The following SOX5 variants were observed in gnomAD, a reference collection of about 807,000 sequenced individuals.
SOX5 encodes the protein transcription factor SOX-5.
Under a neutral mutation model 92.0 loss-of-function variants are expected in SOX5, and 9 were observed. The observed-to-expected ratio is 0.10, with a 90% CI of 0.06 to 0.17. The LOEUF (loss-of-function observed/expected upper bound fraction) is 0.17, where lower values mean the gene tolerates loss of function less well. Ranked by LOEUF, SOX5 falls within the 10% of genes least tolerant of loss-of-function variation. The pLI is 1.00. For missense variants in SOX5, 642 were observed against 944.5 expected, an observed-to-expected ratio of 0.68 and a Z score of 4.20; for synonymous variants, 344 against 336.3, an observed-to-expected ratio of 1.02 and a Z score of -0.25.
intron 1 of SOX5, among the ~76,000 whole-genome samples, chr12:24,468,669 C>T (rs1343566491): frequency 1.3e-5 from 2 of 152,160 alleles, no homozygotes; most frequent in Non-Finnish European, 2.9e-5. Context: ...TGTCTAGTCT[C>T]ACGGTGCTTA....
At chr12:23,584,995 A>T (rs956414001) in intron 9 of SOX5, among the ~76,000 whole-genome samples, 6 of 152,116 alleles carry the variant, frequency 3.9e-5, no homozygotes, top group African/African-American at 1.4e-4. Context: ...AATAGAAAAA[A>T]ATTTACTAGA....
intron 11 of SOX5, among the ~76,000 whole-genome samples, chr12:23,558,901 C>A (rs1945715139): frequency 6.6e-6 from 1 of 152,170 alleles, no homozygotes; most frequent in African/African-American, 2.4e-5. Flanking sequence ...CCGTGCCCGG[C>A]CATGAATCAC....
chr12:23,608,282 C>T (rs1477516680), intron 8 of SOX5, among the ~76,000 whole-genome samples: 1 of 152,122 alleles, frequency 6.6e-6, no homozygotes, highest in Non-Finnish European at 1.5e-5. Context: ...AACTTCACAA[C>T]TCCTCAGAGC....
intron 6 of SOX5, among the ~76,000 whole-genome samples, chr12:23,698,013 T>G (rs923780942): frequency 6.6e-6 from 1 of 152,202 alleles, no homozygotes; most frequent in Non-Finnish European, 1.5e-5. Context: ...ATTATTGACT[T>G]CTTAGGTATT....
intron 4 of SOX5, among the ~76,000 whole-genome samples, chr12:24,088,977 G>T (rs1305893381): frequency 1.3e-5 from 2 of 152,002 alleles, no homozygotes; most frequent in Non-Finnish European, 2.9e-5. Flanking sequence ...CACTATTGAT[G>T]TTTATGCCTG....
intron 4 of SOX5, among the ~76,000 whole-genome samples, chr12:23,958,638 C>T (rs903465138): frequency 9.3e-5 from 14 of 151,264 alleles, no homozygotes; most frequent in African/African-American, 2.4e-4. Flanking sequence ...TAGGAATTGA[C>T]GCTAGGTTTC....
intron 1 of SOX5, among the ~76,000 whole-genome samples, chr12:24,533,497 A>G (rs1951368438): frequency 6.6e-6 from 1 of 152,158 alleles, no homozygotes; most frequent in South Asian, 2.1e-4. Context: ...GAAACTAATG[A>G]GGTAAGATAT....
At chr12:24,357,828 G>A (rs1196672564) in intron 2 of SOX5, among the ~76,000 whole-genome samples, 41 of 139,846 alleles carry the variant, frequency 2.9e-4, no homozygotes, top group Non-Finnish European at 4.1e-4. Context: ...GTGACAGAGC[G>A]AGACTCCATC....
chr12:24,469,473 G>A (rs747395606), intron 1 of SOX5, among the ~76,000 whole-genome samples: 2 of 151,992 alleles, frequency 1.3e-5, no homozygotes, highest in African/African-American at 2.4e-5. Context: ...TACGGGTTGG[G>A]TTTCTCTCCC....
chr12:23,863,025 T>A (rs1320934799), intron 2 of SOX5, among the ~76,000 whole-genome samples: 3 of 152,200 alleles, frequency 2.0e-5, no homozygotes, highest in African/African-American at 7.2e-5. Context: ...CCACAGGGTT[T>A]CTTGAGTGTG....
chr12:24,344,080 T>C (rs562724060), intron 2 of SOX5, among the ~76,000 whole-genome samples: 36 of 151,898 alleles, frequency 2.4e-4, no homozygotes, highest in Non-Finnish European at 1.0e-4. Flanking sequence ...GTCAGGAGAT[T>C]GAGGCCATCC....
At chr12:24,464,861 A>ACATGAT (rs1186146037) in intron 1 of SOX5, among the ~76,000 whole-genome samples, 1 of 152,246 alleles carries the variant, frequency 6.6e-6, no homozygotes, top group Admixed American at 6.5e-5. Context: ...AACCATGTTA[A>ACATGAT]CATGATCACT....
intron 2 of SOX5, among the ~76,000 whole-genome samples, chr12:24,346,321 AAAG>A (rs1953239490): frequency 6.6e-6 from 1 of 152,208 alleles, no homozygotes; most frequent in African/African-American, 2.4e-5. Context: ...AAAATATTTC[AAAG>A]GAGGATAAAA....
intron 8 of SOX5, among the ~76,000 whole-genome samples, chr12:23,627,801 A>G (rs1024426417): frequency 8.6e-5 from 13 of 152,014 alleles, no homozygotes; most frequent in Admixed American, 4.6e-4. Context: ...ACATTTGTAA[A>G]TGTTTAAATA....
intron 4 of SOX5, among the ~76,000 whole-genome samples, chr12:24,174,636 A>G (rs1399454656): frequency 6.6e-6 from 1 of 152,136 alleles, no homozygotes; most frequent in African/African-American, 2.4e-5. Flanking sequence ...AGCCTGACTA[A>G]CATGGTGAAA....
chr12:24,548,835 A>T (rs950106400), intron 1 of SOX5, among the ~76,000 whole-genome samples: 3 of 152,096 alleles, frequency 2.0e-5, no homozygotes, highest in African/African-American at 7.2e-5. Flanking sequence ...CTTAAATGTG[A>T]TCTACAGGCT....
chr12:23,650,609 C>A (rs748683043), intron 7 of SOX5, among the ~76,000 whole-genome samples: 5 of 152,000 alleles, frequency 3.3e-5, no homozygotes, highest in Non-Finnish European at 7.4e-5. Flanking sequence ...TTGGTGGGTG[C>A]CTTCAAGCTT....
At chr12:23,831,207 TAA>T (rs1321393683) in intron 3 of SOX5, among the ~76,000 whole-genome samples, 1 of 152,094 alleles carries the variant, frequency 6.6e-6, no homozygotes, top group Non-Finnish European at 1.5e-5. Context: ...TGCAATCAAT[TAA>T]AGTGAATTAT....
chr12:24,279,055 T>A (rs905381422), intron 2 of SOX5, among the ~76,000 whole-genome samples: 1 of 152,090 alleles, frequency 6.6e-6, no homozygotes, highest in Non-Finnish European at 1.5e-5. Context: ...TGTATTTTTA[T>A]ATTTTTATTA....
Sources: gnomAD v4.1 joint callset for allele counts (sites outside exome capture counted in the v4.1 genomes callset) on GRCh38, gnomAD v4.1.1 for gene constraint, MANE v1.5 for transcripts, NCBI Gene and HGNC (gene_info 2026-07-23, HGNC 2026-07-21) for gene names.